VPS35L: variants seen among roughly 807,000 people sequenced by gnomAD.
The protein encoded by VPS35L is VPS35 endosomal protein sorting factor like.
VPS35L carries 83 observed loss-of-function variants against 133.0 expected under a neutral mutation model. The observed-to-expected ratio is 0.62, with a 90% CI of 0.52 to 0.75. The LOEUF is 0.75. Ranked by LOEUF, VPS35L falls within the 30% of genes least tolerant of loss-of-function variation. VPS35L has a pLI of 0.00. For synonymous variants in VPS35L, 423 were observed against 449.9 expected (o/e 0.94, Z 0.76); for missense variants, 1,083 against 1,206.8 (o/e 0.90, Z 1.52).
intron 19 of VPS35L, 128 bp from the exon 20 acceptor site, chr16:19,637,466 T>C (rs1023627319): frequency 3.3e-6 from 2 of 604,808 alleles, no homozygotes; most frequent in African/African-American, 1.9e-5. Flanking sequence ...GTAGTAATAA[T>C]TGCAAATTAT....
intron 8 of VPS35L, among the ~76,000 whole-genome samples, chr16:19,597,698 C>T (rs1972261020): frequency 6.6e-6 from 1 of 152,180 alleles, no homozygotes; most frequent in African/African-American, 2.4e-5. Flanking sequence ...TTGTTTAAGT[C>T]TATTGTGAAT....
chr16:19,634,890 G>A (rs557168193), intron 19 of VPS35L, among the ~76,000 whole-genome samples: 1 of 152,276 alleles, frequency 6.6e-6, no homozygotes, highest in East Asian at 1.9e-4. Flanking sequence ...CAGTTAATGA[G>A]AGTTCATCTC....
rs1971432864 is a variant in VPS35L at position 19,573,122 on chromosome 16, A to G, written c.289A>G (p.Ser97Gly). The G allele has an allele frequency of 3.1e-6, 5 of 1,613,420 alleles. No homozygotes were observed. Among genetic ancestry groups the G allele is most frequent in the Non-Finnish European group, 4.2e-6 (5 of 1,179,620 alleles). Residue 97 changes from serine (S) to glycine (G), a missense_variant, in exon 4 of 31, where the codon AGC (serine) becomes GGC (glycine). Ser to Gly is a moderately conservative substitution (Grantham distance 56). Coordinates refer to ENST00000417362, the MANE Select transcript of VPS35L (RefSeq NM_020314.7). ...AGATTATCTTGCCTTTCTTTAGGAC[A>G]GCTCCAGAAGGAAACGTGATAGAGA... ...DPAALAAAMD[S>G]SRRKRDRDDN...
At chr16:19,570,870 TATATATATATATATATA>T (rs1971352061) in intron 3 of VPS35L, among the ~76,000 whole-genome samples, 2 of 85,372 alleles carry the variant, frequency 2.3e-5, no homozygotes, top group African/African-American at 6.0e-5. Context: ...TATATATATA[TATATATATATATATATA>T]TATTTTTGAG....
chr16:19,612,416 GCTA>G (rs1333150096), intron 12 of VPS35L, among the ~76,000 whole-genome samples: 1 of 152,060 alleles, frequency 6.6e-6, no homozygotes, highest in East Asian at 1.9e-4. Flanking sequence ...ACCATGCCCA[GCTA>G]CTTTTTGTAT....
intron 1 of VPS35L, among the ~76,000 whole-genome samples, chr16:19,561,884 T>A (rs914887070): frequency 1.3e-5 from 2 of 152,096 alleles, no homozygotes; most frequent in African/African-American, 4.8e-5. Flanking sequence ...GGCAGGTGGA[T>A]CACCTGAGGT....
At chr16:19,599,936 G>T (rs1200778206) in intron 8 of VPS35L, among the ~76,000 whole-genome samples, 1 of 152,184 alleles carries the variant, frequency 6.6e-6, no homozygotes, top group Non-Finnish European at 1.5e-5. Flanking sequence ...AGCTACATAG[G>T]AGGCTGAGGT....
intron 19 of VPS35L, among the ~76,000 whole-genome samples, chr16:19,635,902 A>C (rs1973608594): frequency 6.6e-6 from 1 of 152,190 alleles, no homozygotes; most frequent in South Asian, 2.1e-4. Flanking sequence ...AAAAAGTTAA[A>C]GCCAGGTGAA....
chr16:19,593,594 C>T (rs1972110115), intron 8 of VPS35L, among the ~76,000 whole-genome samples: 1 of 152,058 alleles, frequency 6.6e-6, no homozygotes, highest in African/African-American at 2.4e-5. Context: ...GCAGCTGGAT[C>T]CAGGAACCCA....
intron 5 of VPS35L, among the ~76,000 whole-genome samples, chr16:19,577,282 T>C (rs1235177037): frequency 6.6e-6 from 1 of 152,070 alleles, no homozygotes; most frequent in Non-Finnish European, 1.5e-5. Flanking sequence ...TGTGCAGAGA[T>C]TGCATGGCAA....
At position 19,639,949 on chromosome 16, in the gene VPS35L, AC is replaced by A. The variant is rs1313333021; in HGVS notation, c.1699-63del. On this transcript the variant is annotated intron_variant, in intron 20 of 30. Transcript: ENST00000417362. This position sits in a 1 kb window ranked among gnomAD's most constrained non-coding sequence, Gnocchi z 4.1. Reference sequence around the variant, plus strand: ...TTCTTTGAACTCCACAGAAAAAGAGACCCACAGATTCCTTCCTTCCAATAAC... The same window carrying A: ...TTCTTTGAACTCCACAGAAAAAGAGACCACAGATTCCTTCCTTCCAATAAC... The A allele has an allele frequency of 3.7e-6, 5 of 1,367,260 alleles. No homozygotes were observed. The highest frequency in any genetic ancestry group is 5.2e-6 in the Non-Finnish European group (5 of 965,282). The allele number at this position is 1,367,260 out of a possible 1,614,324, so 84.7% of individuals were successfully genotyped here. A position where few individuals can be genotyped will look rare whatever the true frequency, so the allele number is the denominator to read the frequency against.
At chr16:19,655,501 C>G (rs1441553788) in intron 26 of VPS35L, among the ~76,000 whole-genome samples, 1 of 152,188 alleles carries the variant, frequency 6.6e-6, no homozygotes, top group African/African-American at 2.4e-5. Flanking sequence ...TGTTGCCTCC[C>G]TTAATCCGGC....
At chr16:19,614,560 G>A (rs947328977) in intron 12 of VPS35L, among the ~76,000 whole-genome samples, 10 of 152,162 alleles carry the variant, frequency 6.6e-5, no homozygotes, top group South Asian at 2.1e-4. Context: ...ACAGGCGTGC[G>A]CCACCACACC....
intron 27 of VPS35L, among the ~76,000 whole-genome samples, chr16:19,670,232 T>C (rs1974830553): frequency 6.6e-6 from 1 of 152,166 alleles, no homozygotes; most frequent in Non-Finnish European, 1.5e-5. Context: ...CCAAATCCCA[T>C]CACATTGGGA....
In VPS35L at chr16:19,697,522, A is replaced by C. The variant is rs538888561; in HGVS notation, c.2647-1980A>C. Among the ~76,000 whole-genome samples, 16 of 151,960 alleles carry C rather than the reference A, an allele frequency of 1.1e-4. No individual in the cohort carries two copies. In the South Asian group the frequency reaches 2.1e-3, roughly 20 times the overall value. ...GCTAATTTTTTTTTTCTTTTCACTAAAAGACTTTAAATTCTCACTTGGGAA... is the reference window on the plus strand; with the variant it reads ...GCTAATTTTTTTTTTCTTTTCACTACAAGACTTTAAATTCTCACTTGGGAA... On this transcript the variant is annotated intron_variant, in intron 29 of 30. Coordinates refer to ENST00000417362, the MANE Select transcript of VPS35L (RefSeq NM_020314.7).
chr16:19,558,430 A>G (rs909445024), intron 1 of VPS35L, among the ~76,000 whole-genome samples: 7 of 152,222 alleles, frequency 4.6e-5, no homozygotes, highest in African/African-American at 1.7e-4. Context: ...CTTCAAATCT[A>G]TATCCTGGGC....
At chr16:19,673,781 G>A (rs1292907120) in intron 27 of VPS35L, among the ~76,000 whole-genome samples, 1 of 152,086 alleles carries the variant, frequency 6.6e-6, no homozygotes, top group East Asian at 1.9e-4. Context: ...GCCCCCCAAG[G>A]TAGGAATCAT....
chr16:19,697,212 C>T (rs1429777301), intron 29 of VPS35L, among the ~76,000 whole-genome samples: 1 of 152,232 alleles, frequency 6.6e-6, no homozygotes, highest in Non-Finnish European at 1.5e-5. Context: ...GGCTCTGCTG[C>T]TTCTGTGACT....
chr16:19,567,032 ATGAGCCACTG>A, intron 2 of VPS35L, among the ~76,000 whole-genome samples: 1 of 152,046 alleles, frequency 6.6e-6, no homozygotes, highest in East Asian at 1.9e-4. Context: ...GATTACAGGT[ATGAGCCACTG>A]TGCCCGGCCC....
Sources: allele counts gnomAD v4.1 joint callset (sites outside exome capture counted in the v4.1 genomes callset), GRCh38; gene constraint gnomAD v4.1.1; non-coding constraint Gnocchi (gnomAD v3.1); transcripts MANE v1.5; gene names NCBI Gene and HGNC (gene_info 2026-07-23, HGNC 2026-07-21).